Variants in SLC39A8 observed in about 807,000 individuals in gnomAD.
SLC39A8 encodes solute carrier family 39 member 8.
A neutral mutation model predicts 40.4 loss-of-function variants in SLC39A8; 15 were observed. That is an observed-to-expected ratio of 0.37 (90% CI 0.25 to 0.57). The LOEUF (loss-of-function observed/expected upper bound fraction) is 0.57, where lower values mean the gene tolerates loss of function less well. SLC39A8 is among the 20% of genes least tolerant of loss of function. The pLI, the probability that SLC39A8 is intolerant of heterozygous loss-of-function variation, is 0.75. For synonymous variants in SLC39A8, 223 were observed against 221.6 expected (o/e 1.01, Z -0.06); for missense variants, 472 against 558.8 (o/e 0.84, Z 1.57).
intron 6 of SLC39A8, among the ~76,000 whole-genome samples, chr4:102,273,253 G>T (rs908058395): frequency 6.6e-6 from 1 of 152,320 alleles, no homozygotes; most frequent in East Asian, 1.9e-4. Flanking sequence ...ACTCGAGCTT[G>T]GTGTGGGGAG....
At chr4:102,277,716 C>T (rs78924004) in intron 6 of SLC39A8, among the ~76,000 whole-genome samples, 9 of 152,280 alleles carry the variant, frequency 5.9e-5, no homozygotes, top group East Asian at 5.8e-4. Flanking sequence ...GGAGGCATCA[C>T]GCTACCTGAC....
In SLC39A8 at chr4:102,267,968, C is replaced by T; in HGVS notation, c.952G>A (p.Asp318Asn). The part of the protein sequence containing the change: ...TLCDALHNFI[D>N]GLAIGASCTL... ...CAGGAAGCCCCAATCGCCAGGCCAT[C>T]GATGAAATTGTGGAGGGCATCGCAG... is the stretch of plus-strand genomic sequence containing the variant. The change falls in exon 7 of 9, where the codon GAT (aspartate) becomes AAT (asparagine). Residue 318 changes from aspartate to asparagine, a missense_variant. Around this residue, in one of 4 missense-constraint regions of SLC39A8, gnomAD observed 239 missense variants for 317.9 expected, o/e 0.75. Coordinates refer to ENST00000356736, the MANE Select transcript of SLC39A8 (RefSeq NM_001135146.2). The T allele has an allele frequency of 1.9e-6, 3 of 1,614,172 alleles. No homozygotes were observed. Among genetic ancestry groups the T allele is most frequent in the Non-Finnish European group, 2.5e-6 (3 of 1,180,042 alleles).
At chr4:102,334,112 G>A (rs749807845) in intron 2 of SLC39A8, among the ~76,000 whole-genome samples, 11 of 152,200 alleles carry the variant, frequency 7.2e-5, no homozygotes, top group Non-Finnish European at 1.3e-4. Context: ...GGTTTGAATA[G>A]TGACTGAGAG....
At chr4:102,342,571 T>C (rs192509451) in intron 2 of SLC39A8, among the ~76,000 whole-genome samples, 15 of 152,358 alleles carry the variant, frequency 9.8e-5, no homozygotes, top group African/African-American at 3.6e-4. Context: ...GGCTTCCTTT[T>C]CTTTCCAAGG....
chr4:102,336,333 A>T (rs1201958579), intron 2 of SLC39A8, among the ~76,000 whole-genome samples: 1 of 152,214 alleles, frequency 6.6e-6, no homozygotes, highest in Non-Finnish European at 1.5e-5. Flanking sequence ...CCCAGGTGGT[A>T]AACAAGAGAA....
At chr4:102,309,636 A>G (rs1734339719) in intron 3 of SLC39A8, among the ~76,000 whole-genome samples, 3 of 152,114 alleles carry the variant, frequency 2.0e-5, no homozygotes, top group Non-Finnish European at 4.4e-5. Context: ...GGTAGACAAG[A>G]TATATACATG....
chr4:102,309,752 AC>A lies in SLC39A8; in HGVS notation c.383-2148del, dbSNP rs1227595215. On this transcript the variant is annotated intron_variant, in intron 3 of 8. Coordinates refer to ENST00000356736, the MANE Select transcript of SLC39A8 (RefSeq NM_001135146.2). ...CTTCCCTGCAAACACCTGTTCCATT[AC>A]CCTTGTTCACTACCTACATAAATAA... Among the ~76,000 whole-genome samples the A allele has an allele frequency of 3.9e-5, 6 of 152,068 alleles. No individual in the cohort carries two copies. The East Asian group carries it at 1.2e-3, about 29-fold the overall frequency.
At chr4:102,253,992 T>C (rs1474786687) in intron 11 of SLC39A8, among the ~76,000 whole-genome samples, 1 of 152,156 alleles carries the variant, frequency 6.6e-6, no homozygotes, top group Non-Finnish European at 1.5e-5. Flanking sequence ...TTTGGTATCA[T>C]TAATTGCAAA....
intron 2 of SLC39A8, among the ~76,000 whole-genome samples, chr4:102,342,498 C>CA (rs1235468809): frequency 1.7e-4 from 26 of 149,998 alleles, no homozygotes; most frequent in African/African-American, 5.1e-4. Context: ...AACTCAGTCT[C>CA]AAAAAAAAAG....
exon 12 of SLC39A8, chr4:102,251,416 A>G (rs1296827997): frequency 6.6e-6 from 1 of 152,210 alleles, no homozygotes; most frequent in Non-Finnish European, 1.5e-5. Flanking sequence ...TGCCCACTTC[A>G]AAGCCTGGGA....
downstream of SLC39A8, among the ~76,000 whole-genome samples, chr4:102,260,474 C>G (rs987141665): frequency 6.6e-6 from 1 of 152,164 alleles, no homozygotes; most frequent in Non-Finnish European, 1.5e-5. Context: ...TTTTGCCTTT[C>G]TACCCATTCC....
chr4:102,302,927 T>G (rs975282577), intron 6 of SLC39A8, among the ~76,000 whole-genome samples: 1 of 151,986 alleles, frequency 6.6e-6, no homozygotes. Flanking sequence ...CTGCAAAAAA[T>G]AATTTCCTCT....
intron 2 of SLC39A8, among the ~76,000 whole-genome samples, chr4:102,322,961 A>C (rs1323172852): frequency 6.6e-6 from 1 of 151,968 alleles, no homozygotes; most frequent in African/African-American, 2.4e-5. Flanking sequence ...TATTTTAGTC[A>C]CCTCTACCCT....
chr4:102,271,144 G>A (rs1019593186), intron 6 of SLC39A8, among the ~76,000 whole-genome samples: 8 of 151,976 alleles, frequency 5.3e-5, no homozygotes, highest in Admixed American at 5.2e-4. Context: ...GGAGGAAAAG[G>A]AAAACAGGGA....
downstream of SLC39A8, among the ~76,000 whole-genome samples, chr4:102,261,259 T>C (rs1731841337): frequency 6.6e-6 from 1 of 152,358 alleles, no homozygotes; most frequent in Admixed American, 6.5e-5. Flanking sequence ...GAGGACAGAC[T>C]GGAAGTTTTC....
exon 12 of SLC39A8, chr4:102,252,120 A>T (rs1254771017): frequency 6.6e-6 from 1 of 152,360 alleles, no homozygotes; most frequent in African/African-American, 2.4e-5. Flanking sequence ...AACTCCAGAA[A>T]GTGAGGAACT....
chr4:102,332,601 T>C (rs1044145576), intron 2 of SLC39A8, among the ~76,000 whole-genome samples: 3 of 152,240 alleles, frequency 2.0e-5, no homozygotes, highest in Non-Finnish European at 4.4e-5. Context: ...GGAAAGACAG[T>C]GTGGCAATTC....
At chr4:102,288,360 C>T (rs748650530) in intron 6 of SLC39A8, among the ~76,000 whole-genome samples, 7 of 151,958 alleles carry the variant, frequency 4.6e-5, no homozygotes, top group South Asian at 2.1e-4. Flanking sequence ...CTGACTGCTC[C>T]GGTGACCAGC....
intron 8 of SLC39A8, among the ~76,000 whole-genome samples, chr4:102,266,852 C>T (rs560820753): frequency 9.9e-5 from 15 of 152,150 alleles, no homozygotes; most frequent in Admixed American, 6.5e-4. Flanking sequence ...GTGATCCGCC[C>T]GCCTCGGCCT....
Sources: gnomAD v4.1 joint callset for allele counts (sites outside exome capture counted in the v4.1 genomes callset) on GRCh38, gnomAD v4.1.1 for gene constraint, gnomAD v4.1.1 regional missense constraint, MANE v1.5 for transcripts, NCBI Gene and HGNC (gene_info 2026-07-23, HGNC 2026-07-21) for gene names.